Variants in POC1B observed in about 807,000 individuals in gnomAD.
POC1B encodes POC1 centriolar protein homolog B.
In POC1B, 44 loss-of-function variants were observed where a neutral mutation model predicts 60.6. The ratio of observed to expected loss-of-function variants is 0.73; its 90% CI spans 0.57 to 0.93. The LOEUF is 0.93. POC1B is among the 40% of genes least tolerant of loss of function. POC1B has a pLI of 0.00. For synonymous variants in POC1B, 180 were observed against 198.9 expected, an observed-to-expected ratio of 0.90 and a Z score of 0.80; for missense variants, 555 against 572.3, an observed-to-expected ratio of 0.97 and a Z score of 0.31.
intron 2 of POC1B, among the ~76,000 whole-genome samples, chr12:89,513,445 G>A (rs939469849): frequency 6.6e-6 from 1 of 152,144 alleles, no homozygotes; most frequent in Admixed American, 6.5e-5. Flanking sequence ...AACCTTGAAG[G>A]AAATAGAGGG....
chr12:89,434,146 G>A (rs1428737388), intron 10 of POC1B, among the ~76,000 whole-genome samples: 1 of 152,156 alleles, frequency 6.6e-6, no homozygotes, highest in East Asian at 1.9e-4. Context: ...AACTAAATTT[G>A]CTGAATTAAG....
At chr12:89,421,307 G>A (rs867555500) in intron 11 of POC1B, 50 bp from the exon 12 acceptor site, 1 of 1,424,532 alleles carries the variant, frequency 7.0e-7, no homozygotes, top group Middle Eastern at 1.8e-4. Flanking sequence ...TGGTGGTGAG[G>A]ATGACAATGA....
In POC1B at chr12:89,421,077, G is replaced by T; in HGVS notation, c.*76C>A. The T allele has an allele frequency of 8.7e-7, 1 of 1,143,284 alleles. No homozygotes were observed. The highest frequency in any genetic ancestry group is 2.6e-5 in the East Asian group (1 of 38,710). The allele number at this position is 1,143,284 out of a possible 1,614,324, so 70.8% of individuals were successfully genotyped here. ...ATGGTTGTGTTGTATGGAGTATCTT[G>T]TACTACCTTCCTGAGTGTATGTACA... is the stretch of plus-strand genomic sequence containing the variant. On this transcript the variant is annotated 3_prime_UTR_variant, in exon 12 of 12. Transcript: ENST00000313546.
At chr12:89,426,795 G>A (rs189818518) in intron 10 of POC1B, 123 of 150,870 alleles carry the variant, frequency 8.2e-4, no homozygotes, top group African/African-American at 3.0e-3. Flanking sequence ...CTTTACTCCA[G>A]CCTGGGTGAC....
intron 9 of POC1B, 189 bp from the exon 10 acceptor site, chr12:89,459,907 G>T: frequency 2.0e-6 from 1 of 496,982 alleles, no homozygotes; most frequent in South Asian, 3.1e-5. Context: ...TATAAGAAAA[G>T]ATCATTTTGG....
Position 89,522,968 on chromosome 12 carries a change from T to C in POC1B, c.100+2152A>G, listed in dbSNP as rs761264550. The C allele has an allele frequency of 2.5e-6, 4 of 1,613,944 alleles. No individual in the cohort carries two copies. The East Asian group carries it at 8.9e-5, about 36-fold the overall frequency. On this transcript the variant is annotated intron_variant, in intron 2 of 11. Transcript: ENST00000313546. ...TCTTCTTTAAAATGCCAAATAATGT[T>C]TGCTGGTACAGGGAACCCATCTTTG...
chr12:89,492,118 G>T lies in POC1B; in HGVS notation c.273-3C>A. Reference sequence around the variant, plus strand: ...TAAATTCTGAGAATTTTCCTCTCCTGGAAATAAACAGTTTAATATTTATAA... The same window carrying T: ...TAAATTCTGAGAATTTTCCTCTCCTTGAAATAAACAGTTTAATATTTATAA... On this transcript the variant is annotated splice_region_variant and splice_polypyrimidine_tract_variant and intron_variant, in intron 3 of 11. Transcript: ENST00000313546. 1.3e-6 allele frequency: 2 copies of T among 1,530,290 alleles called. No individual in the cohort carries two copies. Among genetic ancestry groups the T allele is most frequent in the Non-Finnish European group, 8.8e-7 (1 of 1,141,764 alleles). The allele number at this position is 1,530,290 out of a possible 1,614,324, so 94.8% of individuals were successfully genotyped here.
In POC1B at chr12:89,509,653, T is replaced by C. The variant is rs58196556; in HGVS notation, c.101-12311A>G. ...CAATTGATATAGGTATTAAAAACCA[T>C]GAGTTCTAATCTAACACCACAGAAT... On this transcript the variant is annotated intron_variant, in intron 2 of 11. Coordinates refer to ENST00000313546, the MANE Select transcript of POC1B (RefSeq NM_172240.3). 6.8e-3 allele frequency among the ~76,000 whole-genome samples: 1,032 copies of C among 152,366 alleles called. 12 individuals carry two copies. Among genetic ancestry groups the C allele is most frequent in the African/African-American group, 0.024 (997 of 41,588 alleles).
intron 11 of POC1B, among the ~76,000 whole-genome samples, chr12:89,424,495 C>G (rs1438304626): frequency 6.6e-6 from 1 of 152,118 alleles, no homozygotes; most frequent in Non-Finnish European, 1.5e-5. Flanking sequence ...ACTGTCCACT[C>G]TGACAAATAT....
rs769102771 is a variant in POC1B at position 89,497,205 on chromosome 12, G to A, written c.238C>T (p.Arg80Ter). The A allele has an allele frequency of 5.0e-6, 8 of 1,613,784 alleles. No homozygotes were observed. Among genetic ancestry groups the A allele is most frequent in the African/African-American group, 2.7e-5 (2 of 74,912 alleles). ...ATCCAGAGTCTCACGGTTCTGTCTC[G>A]TGAGGCAGACGCCAATAAGTTTCCA... ...PHGNLLASASRDRTVRLWIPD... is the reference protein window; with the variant it reads ...PHGNLLASAS The change falls in exon 3 of 12, where the codon CGA becomes TGA. Residue 80 changes from arginine (R) to a stop codon, truncating the protein, a stop_gained. Transcript: ENST00000313546. LOFTEE classifies it high-confidence loss of function.
chr12:89,407,900 G>C, the POC1B span, among the ~76,000 whole-genome samples: 1 of 152,124 alleles, frequency 6.6e-6, no homozygotes, highest in African/African-American at 2.4e-5. Flanking sequence ...GTGGTTTGCT[G>C]TACCTATCAA....
chr12:89,417,438 T>C (rs1467629865), downstream of POC1B, among the ~76,000 whole-genome samples: 4 of 152,234 alleles, frequency 2.6e-5, no homozygotes, highest in Non-Finnish European at 5.9e-5. Context: ...TTGCACTCCC[T>C]TCAGGGGAGC....
chr12:89,406,427 A>ATATGATTAACTTAAGGCTC, the POC1B span, among the ~76,000 whole-genome samples: 2 of 152,068 alleles, frequency 1.3e-5, no homozygotes, highest in African/African-American at 4.8e-5. Flanking sequence ...TCCACTTGAT[A>ATATGATTAACTTAAGGCTC]TATGATTAAC....
chr12:89,474,754 A>C (rs963423419), intron 4 of POC1B, among the ~76,000 whole-genome samples: 1 of 152,180 alleles, frequency 6.6e-6, no homozygotes, highest in African/African-American at 2.4e-5. Context: ...GGCCCAAATT[A>C]CTTAGAGCAC....
intron 2 of POC1B, chr12:89,519,399 T>C (rs937909271): frequency 1.4e-4 from 21 of 152,312 alleles, no homozygotes; most frequent in African/African-American, 5.1e-4. Context: ...TAGGCTAAAA[T>C]AATCACAATC....
At chr12:89,436,778 T>C (rs1881287655) in intron 10 of POC1B, among the ~76,000 whole-genome samples, 1 of 152,032 alleles carries the variant, frequency 6.6e-6, no homozygotes. Flanking sequence ...TAATGATGCC[T>C]CTTGATAAAT....
At chr12:89,465,063 A>G (rs1882635585) in intron 9 of POC1B, among the ~76,000 whole-genome samples, 1 of 152,182 alleles carries the variant, frequency 6.6e-6, no homozygotes, top group Non-Finnish European at 1.5e-5. Flanking sequence ...TAATTCCACG[A>G]TGAAGAAAAG....
At chr12:89,490,032 C>T (rs1408743360) in intron 4 of POC1B, among the ~76,000 whole-genome samples, 1 of 152,138 alleles carries the variant, frequency 6.6e-6, no homozygotes, top group African/African-American at 2.4e-5. Flanking sequence ...GGACTGAAGC[C>T]TGGAGCCGGC....
At chr12:89,480,687 C>A (rs1255806210) in intron 4 of POC1B, among the ~76,000 whole-genome samples, 36 of 151,118 alleles carry the variant, frequency 2.4e-4, no homozygotes, top group Non-Finnish European at 4.1e-4. Context: ...GCAGGCTCCG[C>A]CCCCTGGGGT....
Sources: gnomAD v4.1 joint callset for allele counts (sites outside exome capture counted in the v4.1 genomes callset) on GRCh38, gnomAD v4.1.1 for gene constraint, MANE v1.5 for transcripts, NCBI Gene and HGNC (gene_info 2026-07-23, HGNC 2026-07-21) for gene names.